The following PIWIL3 variants were observed in gnomAD, a reference collection of about 807,000 sequenced individuals.
PIWIL3 encodes the protein piwi-like protein 3.
In PIWIL3, 101 loss-of-function variants were observed where a neutral mutation model predicts 109.7. The ratio of observed to expected loss-of-function variants is 0.92; its 90% CI spans 0.78 to 1.09. The LOEUF is 1.09. PIWIL3 is among the 50% of genes least tolerant of loss of function. PIWIL3 has a pLI of 0.00. For synonymous variants in PIWIL3, 373 were observed against 376.4 expected, an observed-to-expected ratio of 0.99 and a Z score of 0.10; for missense variants, 1,031 against 1,072.6, an observed-to-expected ratio of 0.96 and a Z score of 0.54.
intron 12 of PIWIL3, among the ~76,000 whole-genome samples, chr22:24,737,150 T>C (rs2096532): frequency 0.56 from 85,353 of 152,026 alleles, 24,678 homozygotes; most frequent in East Asian, 0.7. Flanking sequence ...CCCAACTCAA[T>C]GGCAGCACAG....
intron 6 of PIWIL3, among the ~76,000 whole-genome samples, chr22:24,755,465 T>C (rs964475268): frequency 3.3e-5 from 5 of 152,224 alleles, no homozygotes; most frequent in East Asian, 1.9e-4. Flanking sequence ...TATTTTGTCA[T>C]TGTAGTGACC....
chr22:24,773,908 T>C (rs939098825), intron 1 of PIWIL3, among the ~76,000 whole-genome samples: 1 of 151,938 alleles, frequency 6.6e-6, no homozygotes, highest in Non-Finnish European at 1.5e-5. Context: ...AGAGACGGGG[T>C]TTCACCATCT....
At chr22:24,723,702 T>A (rs1204282853) in intron 18 of PIWIL3, among the ~76,000 whole-genome samples, 1 of 152,010 alleles carries the variant, frequency 6.6e-6, no homozygotes, top group Non-Finnish European at 1.5e-5. Flanking sequence ...TGAGATGGAG[T>A]CTCACTCTGT....
intron 12 of PIWIL3, among the ~76,000 whole-genome samples, chr22:24,744,899 ACAG>A (rs1262876374): frequency 7.9e-5 from 12 of 152,224 alleles, no homozygotes; most frequent in Non-Finnish European, 1.8e-4. Flanking sequence ...CATCGTAGTT[ACAG>A]AAGATTTCAG....
intron 9 of PIWIL3, 134 bp downstream of exon 9, chr22:24,751,253 A>G: frequency 1.2e-6 from 1 of 852,856 alleles, no homozygotes; most frequent in Non-Finnish European, 1.8e-6. Context: ...GATAATAGAT[A>G]AGTCAAGCTA....
chr22:24,769,331 G>A (rs376343611), intron 1 of PIWIL3, among the ~76,000 whole-genome samples: 2 of 152,322 alleles, frequency 1.3e-5, no homozygotes, highest in East Asian at 3.9e-4. Context: ...ACACTAACAC[G>A]GCCAGGCGCC....
intron 8 of PIWIL3, among the ~76,000 whole-genome samples, chr22:24,751,993 G>T (rs1413615278): frequency 6.6e-6 from 1 of 152,090 alleles, no homozygotes; most frequent in East Asian, 1.9e-4. Context: ...TGGACATTAT[G>T]GTTGTATATA....
rs1420775878 is a variant in PIWIL3 at position 24,749,804 on chromosome 22, C to T, written c.1105G>A (p.Val369Ile). ...AAAAGTGGCTGTTTCTTCACTGTGACAATTTCTTTATGTTGCTGCTCAACA... is the reference window on the plus strand; with the variant it reads ...AAAAGTGGCTGTTTCTTCACTGTGATAATTTCTTTATGTTGCTGCTCAACA... Reference protein sequence around the residue: ...DYYRQQHKEIVTVKKQPLLVS... With the variant: ...DYYRQQHKEIITVKKQPLLVS... The change falls in exon 10 of 21, where the codon GTC becomes ATC. Residue 369 changes from valine to isoleucine, a missense_variant. By Grantham distance (29) the Val-to-Ile change is conservative. Transcript: ENST00000616349. 8.7e-6 allele frequency: 14 copies of T among 1,612,688 alleles called. No homozygotes were observed. The highest frequency in any genetic ancestry group is 8.3e-5 in the Admixed American group (5 of 59,902).
chr22:24,751,606 A>T, intron 8 of PIWIL3, 108 bp from the exon 9 acceptor site: 1 of 1,503,290 alleles, frequency 6.7e-7, no homozygotes, highest in East Asian at 2.3e-5. Context: ...AATATATTAG[A>T]TTTACTTAAG....
In PIWIL3 at chr22:24,725,108, T is replaced by C. The variant is rs112350191; in HGVS notation, c.2081-71A>G. ...ACTAGCCTTTGCTGCTTTTGACAAA[T>C]TCTAGGTCCATCTTTCAACACTGCA... On this transcript the variant is annotated intron_variant, in intron 17 of 20. Transcript: ENST00000616349. 9.5e-5 allele frequency: 148 copies of C among 1,563,382 alleles called. No homozygotes were observed. The African/African-American group carries it at 1.7e-3, about 18-fold the overall frequency.
At position 24,756,333 on chromosome 22, in the gene PIWIL3, T is replaced by C. The variant is rs118093752; in HGVS notation, c.570+158A>G. On this transcript the variant is annotated intron_variant, in intron 5 of 20. Transcript: ENST00000616349. ...CAGAGGCATTATTGAATATCAGTGA[T>C]AACCGAACATGGCACATAGGTTTCA... Among the ~76,000 whole-genome samples the C allele has an allele frequency of 6.1e-3, 922 of 152,288 alleles. 26 individuals are homozygous for C. Among genetic ancestry groups the C allele is most frequent in the East Asian group, 0.05 (257 of 5,190 alleles).
rs1923123247 is a variant in PIWIL3, at chr22:24,728,376, T to C, written c.1708-2A>G. The C allele has an allele frequency of 1.2e-6, 2 of 1,614,154 alleles. No individual in the cohort carries two copies. The highest frequency in any genetic ancestry group is 2.7e-5 in the African/African-American group (2 of 75,038). The stretch of plus-strand genomic sequence containing the variant: ...ATCATTGGGCAGGATACAAATCACC[T>C]TGAAAACCAGCAAACATGACATTCC... On this transcript the variant is annotated splice_acceptor_variant, in intron 14 of 20. Transcript: ENST00000616349. LOFTEE classifies it high-confidence loss of function.
chr22:24,767,702 A>G (rs1273657458), intron 1 of PIWIL3, among the ~76,000 whole-genome samples: 3 of 152,222 alleles, frequency 2.0e-5, no homozygotes, highest in Non-Finnish European at 4.4e-5. Context: ...ATTTGAAATA[A>G]TAATGACCGA....
chr22:24,761,123 C>T (rs1035791792), intron 2 of PIWIL3, among the ~76,000 whole-genome samples: 5 of 151,902 alleles, frequency 3.3e-5, no homozygotes, highest in African/African-American at 9.7e-5. Context: ...GAGTTGTCCA[C>T]GGACACCCGT....
chr22:24,749,455 C>T lies in PIWIL3; in HGVS notation c.1283G>A (p.Ser428Asn), dbSNP rs759670786. 3.1e-6 allele frequency: 5 copies of T among 1,613,858 alleles called. No individual in the cohort carries two copies. In the East Asian group the frequency reaches 1.1e-4, roughly 36 times the overall value. Residue 428 changes from serine (S) to asparagine (N), a missense_variant, in exon 11 of 21, where the codon AGT becomes AAT. Coordinates refer to ENST00000616349, the MANE Select transcript of PIWIL3 (RefSeq NM_001255975.1). ...VKELAKHTRL[S>N]PRRRHHTLKE... ...TAATGTATGATGCCTTCTTCTTGGA[C>T]TCAATCTTGTATGTTTAGCCAATTC...
intron 19 of PIWIL3, among the ~76,000 whole-genome samples, chr22:24,722,584 G>A (rs1466729929): frequency 6.6e-6 from 1 of 152,024 alleles, no homozygotes; most frequent in Non-Finnish European, 1.5e-5. Flanking sequence ...ATGGTGGTAG[G>A]CACCTGTAAG....
chr22:24,766,291 T>A (rs1434850767), intron 1 of PIWIL3, among the ~76,000 whole-genome samples: 1 of 150,438 alleles, frequency 6.6e-6, no homozygotes, highest in Non-Finnish European at 1.5e-5. Context: ...CTAGCCTAGG[T>A]TTTTTGTTTT....
chr22:24,764,835 G>C (rs1295291388), intron 1 of PIWIL3, among the ~76,000 whole-genome samples: 1 of 152,162 alleles, frequency 6.6e-6, no homozygotes, highest in African/African-American at 2.4e-5. Context: ...CCATTGGCAT[G>C]GCTGATGAAG....
At chr22:24,770,447 TC>T (rs920848433) in intron 1 of PIWIL3, among the ~76,000 whole-genome samples, 16 of 152,002 alleles carry the variant, frequency 1.1e-4, no homozygotes, top group African/African-American at 3.9e-4. Context: ...TTCACTCTCT[TC>T]CCCCCAGACA....
Sources: gnomAD v4.1 joint callset for allele counts (sites outside exome capture counted in the v4.1 genomes callset) on GRCh38, gnomAD v4.1.1 for gene constraint, MANE v1.5 for transcripts, NCBI Gene and HGNC (gene_info 2026-07-23, HGNC 2026-07-21) for gene names.